The following CHST15 variants were observed in gnomAD, a reference collection of about 807,000 sequenced individuals.
The protein encoded by CHST15 is B cell RAG associated protein (GALNAC4S-6ST).
CHST15 carries 30 observed loss-of-function variants against 53.6 expected under a neutral mutation model. The ratio of observed to expected loss-of-function variants is 0.56; its 90% confidence interval spans 0.42 to 0.76. The LOEUF is 0.76. CHST15 is among the 30% of genes least tolerant of loss of function. The probability of loss-of-function intolerance (pLI) is 0.00; values close to 1 mark genes in which losing one functional copy is unlikely to be tolerated. For synonymous variants in CHST15, 296 were observed against 289.8 expected (o/e 1.02, Z -0.22); for missense variants, 627 against 740.5 (o/e 0.85, Z 1.78).
intron 1 of CHST15, among the ~76,000 whole-genome samples, 157 bp from the exon 2 acceptor site, chr10:124,046,881 A>G (rs1421317617): frequency 6.6e-6 from 1 of 152,218 alleles, no homozygotes; most frequent in East Asian, 1.9e-4. Flanking sequence ...TCGCGAGCAT[A>G]AAGGAAGAGG....
rs988436970 is a variant in CHST15 at position 124,011,157 on chromosome 10, G to A, written c.1496-818C>T. The A allele has an allele frequency of 5.3e-5, 49 of 916,978 alleles. No homozygotes were observed. In the Middle Eastern group the frequency reaches 1.7e-3, roughly 31 times the overall value. 56.8% of individuals were successfully genotyped at this position (916,978 alleles called of 1,614,324 possible). On this transcript the variant is annotated intron_variant, in intron 7 of 7. Coordinates refer to ENST00000435907, the MANE Select transcript of CHST15 (RefSeq NM_001270764.2). ...GCAAGGGCTGCGACCCCAACGCCCC[G>A]CCCTCTGGGCCACAGCTTCTTGGTG...
At chr10:124,084,564 A>G (rs978141367) in intron 1 of CHST15, among the ~76,000 whole-genome samples, 6 of 152,080 alleles carry the variant, frequency 3.9e-5, no homozygotes, top group African/African-American at 1.4e-4. Flanking sequence ...CACCCACAGT[A>G]AGGGATTAAC....
Position 124,046,019 on chromosome 10 carries a change from T to G in CHST15, c.194A>C (p.Asn65Thr). The change falls in exon 2 of 8, where the codon AAC becomes ACC. Residue 65 changes from asparagine to threonine, a missense_variant. Physicochemically the swap from Asn to Thr is moderately conservative, Grantham distance 65. Transcript: ENST00000435907. ...LAVLEVRTEG[N>T]ENWGGFLRFK... The stretch of plus-strand genomic sequence containing the variant: ...GCGCAAAAACCCACCCCAGTTTTCG[T>G]TCCCTTCAGTCCTCACTTCGAGAAC... 6.2e-7 allele frequency: 1 copy of G among 1,614,198 alleles called. No homozygotes were observed. The highest frequency in any genetic ancestry group is 8.5e-7 in the Non-Finnish European group (1 of 1,180,048).
chr10:124,026,931 G>T (rs1400912965), intron 5 of CHST15, among the ~76,000 whole-genome samples: 2 of 152,180 alleles, frequency 1.3e-5, no homozygotes, highest in Non-Finnish European at 2.9e-5. Flanking sequence ...GGCAGGAGCA[G>T]CCTAGGCTGG....
chr10:124,038,866 C>T (rs982710023), intron 4 of CHST15, among the ~76,000 whole-genome samples, 195 bp from the exon 5 acceptor site: 2 of 152,108 alleles, frequency 1.3e-5, no homozygotes, highest in Non-Finnish European at 2.9e-5. Context: ...CAGCCACACC[C>T]CACCTCCACC....
At chr10:124,032,246 C>T (rs1410979350) in intron 5 of CHST15, among the ~76,000 whole-genome samples, 2 of 152,210 alleles carry the variant, frequency 1.3e-5, no homozygotes, top group Admixed American at 6.5e-5. Flanking sequence ...TTGAATTCTT[C>T]GCCAAGCTGA....
intron 1 of CHST15, among the ~76,000 whole-genome samples, chr10:124,057,427 C>T (rs1228797931): frequency 6.6e-6 from 1 of 152,142 alleles, no homozygotes; most frequent in Non-Finnish European, 1.5e-5. Context: ...TATTTAAACA[C>T]CTACTATGTG....
chr10:124,072,558 C>T (rs929061937), intron 1 of CHST15, among the ~76,000 whole-genome samples: 1 of 152,152 alleles, frequency 6.6e-6, no homozygotes, highest in African/African-American at 2.4e-5. Flanking sequence ...CCTTTCTTGA[C>T]TGAGCCATTA....
At chr10:124,055,195 A>G (rs1400949710) in intron 1 of CHST15, among the ~76,000 whole-genome samples, 1 of 152,242 alleles carries the variant, frequency 6.6e-6, no homozygotes, top group African/African-American at 2.4e-5. Context: ...TAAAAGGTCT[A>G]AAAACATCTT....
At chr10:124,044,947 C>T in intron 2 of CHST15, 28 bp from the exon 3 acceptor site, 1 of 1,397,458 alleles carries the variant, frequency 7.2e-7, no homozygotes, top group South Asian at 1.7e-5. Flanking sequence ...AGGAGAGACA[C>T]AGAGGAGGGG....
intron 1 of CHST15, among the ~76,000 whole-genome samples, chr10:124,084,979 C>T (rs1462103369): frequency 6.6e-6 from 1 of 152,220 alleles, no homozygotes; most frequent in East Asian, 1.9e-4. Flanking sequence ...CCTCGGCCCA[C>T]ACTCCCCGGG....
At chr10:124,091,473 C>T (rs942873230) in intron 1 of CHST15, among the ~76,000 whole-genome samples, 58 of 152,130 alleles carry the variant, frequency 3.8e-4, no homozygotes, top group African/African-American at 1.4e-3. Context: ...CCCTCCGAGG[C>T]CTTTCTGCCC....
At chr10:124,010,373 G>T in intron 7 of CHST15, 34 bp from the exon 8 acceptor site, 1 of 1,517,368 alleles carries the variant, frequency 6.6e-7, no homozygotes. Flanking sequence ...CGTAAGGCAG[G>T]AGGCATGGCA....
chr10:124,027,359 G>A (rs1172045409), intron 5 of CHST15, among the ~76,000 whole-genome samples: 1 of 152,186 alleles, frequency 6.6e-6, no homozygotes, highest in Non-Finnish European at 1.5e-5. Flanking sequence ...CAAAGGAGAG[G>A]CCAGCAGTGG....
intron 1 of CHST15, among the ~76,000 whole-genome samples, chr10:124,051,100 G>A (rs574198898): frequency 1.7e-3 from 258 of 151,996 alleles, no homozygotes; most frequent in Non-Finnish European, 1.6e-3. Flanking sequence ...GCATCACTGC[G>A]CCCGGCTAAT....
intron 6 of CHST15, chr10:124,020,957 C>T: frequency 7.2e-7 from 1 of 1,392,460 alleles, no homozygotes; most frequent in African/African-American, 1.4e-5. Context: ...TCTGCCGATT[C>T]TAATTGCTGG....
chr10:124,054,898 A>G (rs939392211), intron 1 of CHST15, among the ~76,000 whole-genome samples: 3 of 152,220 alleles, frequency 2.0e-5, no homozygotes, highest in African/African-American at 7.2e-5. Context: ...TGGAGAAATT[A>G]TAGTTTCAGA....
At position 124,009,598 on chromosome 10, in the gene CHST15, G is replaced by A. The variant is rs1946355978; in HGVS notation, c.*551C>T. 1 of 990,212 alleles carries A rather than the reference G, an allele frequency of 1.0e-6. No homozygotes were observed. Among genetic ancestry groups the A allele is most frequent in the Non-Finnish European group, 1.2e-6 (1 of 832,606 alleles). The allele number at this position is 990,212 out of a possible 1,614,324, so 61.3% of individuals were successfully genotyped here. ...AGACTGCGGTTCTCTGTCCCAGTGA[G>A]GTTAGCGATCGCAACAAGAGTGTTT... On this transcript the variant is annotated 3_prime_UTR_variant, in exon 8 of 8. Transcript: ENST00000435907.
At chr10:124,053,886 T>G (rs1304936454) in intron 1 of CHST15, among the ~76,000 whole-genome samples, 2 of 151,926 alleles carry the variant, frequency 1.3e-5, no homozygotes, top group African/African-American at 4.8e-5. Flanking sequence ...ACCACTGCAC[T>G]CCAGCCTGTG....
Sources: gnomAD v4.1 joint callset for allele counts (sites outside exome capture counted in the v4.1 genomes callset) on GRCh38, gnomAD v4.1.1 for gene constraint, MANE v1.5 for transcripts, NCBI Gene and HGNC (gene_info 2026-07-23, HGNC 2026-07-21) for gene names.